ATP8B4: variants seen among roughly 807,000 people sequenced by gnomAD.
The protein encoded by ATP8B4 is probable phospholipid-transporting ATPase IM.
ATP8B4 carries 133 observed loss-of-function variants against 145.6 expected under a neutral mutation model. The ratio of observed to expected loss-of-function variants is 0.91; its 90% CI spans 0.79 to 1.05. The LOEUF (loss-of-function observed/expected upper bound fraction) is 1.05, where lower values mean the gene tolerates loss of function less well. Among genes scored for constraint, ATP8B4 ranks in the 50% least tolerant of loss-of-function variants. The probability of loss-of-function intolerance (pLI) is 0.00; values close to 1 mark genes in which losing one functional copy is unlikely to be tolerated. For synonymous variants in ATP8B4, 507 were observed against 492.9 expected, an observed-to-expected ratio of 1.03 and a Z score of -0.38; for missense variants, 1,458 against 1,425.2, an observed-to-expected ratio of 1.02 and a Z score of -0.37.
intron 14 of ATP8B4, among the ~76,000 whole-genome samples, chr15:49,953,809 T>C (rs1201920442): frequency 1.3e-5 from 2 of 152,142 alleles, no homozygotes; most frequent in African/African-American, 4.8e-5. Flanking sequence ...TGCTAGACTT[T>C]GGTGGGTTTG....
At chr15:49,871,069 C>T (rs1405515673) in intron 25 of ATP8B4, among the ~76,000 whole-genome samples, 3 of 152,230 alleles carry the variant, frequency 2.0e-5, no homozygotes, top group African/African-American at 7.2e-5. Flanking sequence ...GGGAGGTTCA[C>T]GTAGCTTTGG....
At chr15:50,069,350 T>C (rs1255727590) in intron 3 of ATP8B4, among the ~76,000 whole-genome samples, 6 of 152,232 alleles carry the variant, frequency 3.9e-5, no homozygotes, top group Non-Finnish European at 5.9e-5. Flanking sequence ...CTGTGCGATG[T>C]CCTATAATGT....
chr15:50,044,588 A>G lies in ATP8B4; in HGVS notation c.300+6T>C. 6.3e-7 allele frequency: 1 copy of G among 1,588,618 alleles called. No individual in the cohort carries two copies. Among genetic ancestry groups the G allele is most frequent in the Non-Finnish European group, 8.6e-7 (1 of 1,159,156 alleles). On this transcript the variant is annotated splice_donor_region_variant and intron_variant, in intron 5 of 27. Transcript: ENST00000284509. ...ACCTCAAGAATGCTCAAGAGCAAATACTCACATAGTCATCTGTGGCATCTT... is the reference window on the plus strand; with the variant it reads ...ACCTCAAGAATGCTCAAGAGCAAATGCTCACATAGTCATCTGTGGCATCTT...
chr15:49,991,758 T>A (rs2047063059), intron 9 of ATP8B4, among the ~76,000 whole-genome samples: 1 of 152,208 alleles, frequency 6.6e-6, no homozygotes, highest in African/African-American at 2.4e-5. Context: ...CCAAGTCTTC[T>A]ATAAACTCTT....
intron 12 of ATP8B4, among the ~76,000 whole-genome samples, chr15:49,979,396 CCAAAT>C (rs1159537851): frequency 2.0e-5 from 3 of 152,046 alleles, no homozygotes. Flanking sequence ...TTCTAAGAAA[CCAAAT>C]CAAATCAAGA....
intron 7 of ATP8B4, among the ~76,000 whole-genome samples, chr15:50,008,114 T>C (rs905209962): frequency 1.3e-5 from 2 of 152,188 alleles, no homozygotes; most frequent in African/African-American, 4.8e-5. Flanking sequence ...TGCTGGAAGC[T>C]CTAAGTTGCC....
intron 14 of ATP8B4, among the ~76,000 whole-genome samples, chr15:49,942,518 A>G (rs772825381): frequency 7.2e-5 from 11 of 152,128 alleles, no homozygotes; most frequent in Non-Finnish European, 1.3e-4. Flanking sequence ...AATTGGAGAG[A>G]GCACTGGGGT....
intron 2 of ATP8B4, among the ~76,000 whole-genome samples, chr15:50,091,620 T>C (rs1310783782): frequency 2.0e-5 from 3 of 152,158 alleles, no homozygotes; most frequent in Non-Finnish European, 4.4e-5. Context: ...TTTACATTTG[T>C]TTATGTGTCC....
rs192847295 is a variant in ATP8B4, at chr15:50,106,919, T to C, written c.28+20A>G. ...TTTTTAAAATATCACTTTGCATCAT[T>C]GGAAGAACTCAAAACTTACCACGCA... On this transcript the variant is annotated intron_variant, in intron 2 of 27. Coordinates refer to ENST00000284509, the MANE Select transcript of ATP8B4 (RefSeq NM_024837.4). 693 of 1,585,362 alleles carry C rather than the reference T, an allele frequency of 4.4e-4. 6 individuals carry two copies. In the African/African-American group the frequency reaches 8.5e-3, roughly 19 times the overall value.
intron 13 of ATP8B4, among the ~76,000 whole-genome samples, chr15:49,967,273 G>C (rs570521804): frequency 9.3e-4 from 141 of 152,308 alleles, no homozygotes; most frequent in African/African-American, 3.2e-3. Flanking sequence ...GAATGAGTTT[G>C]ACAAACTGAC....
At chr15:50,162,242 C>T (rs1336926409) in intron 1 of ATP8B4, among the ~76,000 whole-genome samples, 1 of 151,786 alleles carries the variant, frequency 6.6e-6, no homozygotes, top group Non-Finnish European at 1.5e-5. Context: ...TTATTACATG[C>T]CTTGAGGTAG....
intron 3 of ATP8B4, among the ~76,000 whole-genome samples, chr15:50,071,408 C>T (rs532598402): frequency 1.5e-4 from 23 of 152,100 alleles, no homozygotes; most frequent in Middle Eastern, 6.8e-3. Context: ...AAGGCACAAA[C>T]GAAATAAGGC....
chr15:49,865,853 C>CGA (rs1175480199), intron 26 of ATP8B4, among the ~76,000 whole-genome samples: 1 of 152,206 alleles, frequency 6.6e-6, no homozygotes, highest in Non-Finnish European at 1.5e-5. Flanking sequence ...ACTACAAAGC[C>CGA]TACTCCTCAT....
At chr15:50,073,817 T>C (rs946822938) in intron 3 of ATP8B4, among the ~76,000 whole-genome samples, 39 of 152,318 alleles carry the variant, frequency 2.6e-4, no homozygotes, top group African/African-American at 8.2e-4. Context: ...AAAAGGTCCA[T>C]TTTCATATTA....
intron 14 of ATP8B4, 65 bp downstream of exon 14, chr15:49,961,912 C>T: frequency 1.5e-6 from 2 of 1,367,462 alleles, no homozygotes; most frequent in Non-Finnish European, 2.0e-6. Flanking sequence ...AAAAGTTTAT[C>T]ATTTTCTTAA....
chr15:50,078,902 C>T (rs908884611), intron 2 of ATP8B4, among the ~76,000 whole-genome samples: 5 of 152,006 alleles, frequency 3.3e-5, no homozygotes, highest in South Asian at 2.1e-4. Context: ...TATACCGAGC[C>T]AAATAATCAA....
At chr15:49,962,407 A>T (rs937380601) in intron 13 of ATP8B4, among the ~76,000 whole-genome samples, 1 of 152,198 alleles carries the variant, frequency 6.6e-6, no homozygotes, top group Non-Finnish European at 1.5e-5. Context: ...ATTCTTCCCA[A>T]TGCAGAACTT....
chr15:50,044,521 A>C, intron 5 of ATP8B4, 73 bp downstream of exon 5: 9 of 1,003,834 alleles, frequency 9.0e-6, no homozygotes, highest in Non-Finnish European at 1.3e-5. Context: ...TTTCAAATGT[A>C]TCTTCATTAT....
At chr15:50,119,083 C>T (rs1341130908) in intron 1 of ATP8B4, 40 bp downstream of exon 1, 1 of 152,210 alleles carries the variant, frequency 6.6e-6, no homozygotes, top group Admixed American at 6.5e-5. Flanking sequence ...TAAATTTCCA[C>T]TTCATCTCAC....
Sources: allele counts gnomAD v4.1 joint callset (sites outside exome capture counted in the v4.1 genomes callset), GRCh38; gene constraint gnomAD v4.1.1; transcripts MANE v1.5; gene names NCBI Gene and HGNC (gene_info 2026-07-23, HGNC 2026-07-21).